Variants in TUBA8 observed in about 807,000 individuals in gnomAD.
TUBA8 encodes tubulin alpha-8 chain.
Under a neutral mutation model 34.7 loss-of-function variants are expected in TUBA8, and 29 were observed. The observed-to-expected ratio is 0.84, with a 90% CI of 0.62 to 1.14. The LOEUF (loss-of-function observed/expected upper bound fraction) is 1.14. TUBA8 is among the 50% of genes most tolerant of loss of function. TUBA8 has a pLI of 0.00. For synonymous variants in TUBA8, 226 were observed against 231.2 expected (o/e 0.98, Z 0.21); for missense variants, 541 against 599.2 (o/e 0.90, Z 1.01).
chr22:18,130,892 C>A lies in TUBA8; in HGVS notation c.1106C>A (p.Ala369Asp). 1 of 1,614,152 alleles carries A rather than the reference C, an allele frequency of 6.2e-7. No individual in the cohort carries two copies. The highest frequency in any genetic ancestry group is 8.5e-7 in the Non-Finnish European group (1 of 1,180,032). The change falls in exon 5 of 5, where the codon GCC (alanine) becomes GAC (aspartate). Residue 369 changes from alanine to aspartate, a missense_variant. Coordinates refer to ENST00000330423, the MANE Select transcript of TUBA8 (RefSeq NM_018943.3). ...PPTVVPGGDL[A>D]KVQRAVCMLS... Reference sequence around the variant, plus strand: ...ACCGTGGTCCCCGGGGGAGACCTGGCCAAGGTGCAGCGGGCCGTCTGCATG... The same window carrying A: ...ACCGTGGTCCCCGGGGGAGACCTGGACAAGGTGCAGCGGGCCGTCTGCATG...
At chr22:18,127,929 C>T (rs948080393) in intron 4 of TUBA8, 1 of 152,150 alleles carries the variant, frequency 6.6e-6, no homozygotes, top group Non-Finnish European at 1.5e-5. Context: ...GATCTCCTAA[C>T]CTTGTGATCT....
At chr22:18,114,329 T>A (rs1168073378) in intron 1 of TUBA8, 1 of 152,296 alleles carries the variant, frequency 6.6e-6, no homozygotes, top group African/African-American at 2.4e-5. Context: ...CCTTAGCAGA[T>A]GGCCTCATGG....
intron 4 of TUBA8, chr22:18,129,360 C>T (rs1928428698): frequency 6.6e-6 from 1 of 152,304 alleles, no homozygotes; most frequent in South Asian, 2.1e-4. Flanking sequence ...ATTATGGTAG[C>T]ATTAGCATAA....
intron 4 of TUBA8, chr22:18,127,845 C>T: frequency 1.3e-5 from 2 of 151,774 alleles, no homozygotes; most frequent in Non-Finnish European, 2.9e-5. Flanking sequence ...CTACAGGCGC[C>T]TGCTACCACA....
In TUBA8 at chr22:18,118,630, A is replaced by G. The variant is rs780630039; in HGVS notation, c.4-2849A>G. 4 of 152,212 alleles carry G rather than the reference A, an allele frequency of 2.6e-5. No homozygotes were observed. The highest frequency in any genetic ancestry group is 6.5e-5 in the Admixed American group (1 of 15,284). 9.4% of individuals were successfully genotyped at this position (152,212 alleles called of 1,614,324 possible). A position where few individuals can be genotyped will look rare whatever the true frequency, so the allele number is the denominator to read the frequency against. On this transcript the variant is annotated intron_variant, in intron 1 of 4. Coordinates refer to ENST00000330423, the MANE Select transcript of TUBA8 (RefSeq NM_018943.3). The surrounding 1 kb of genome is among the most constrained non-coding windows in gnomAD (Gnocchi z 4.0). ...ATCTTCCTTCTCTCTTGATTGGTGT[A>G]GCTACTTTTCACTTTTGAGAGCACC...
At position 18,124,447 on chromosome 22, in the gene TUBA8, T is replaced by A. The variant is rs1928256219; in HGVS notation, c.375+143T>A. On this transcript the variant is annotated intron_variant, in intron 3 of 4. Coordinates refer to ENST00000330423, the MANE Select transcript of TUBA8 (RefSeq NM_018943.3). The surrounding 1 kb of genome is among the most constrained non-coding windows in gnomAD (Gnocchi z 4.3). Reference sequence around the variant, plus strand: ...TAAGGTTTGGGAATTTCTGCTTAAATTCTGTAAGAAGCATGCACAGGGGTG... The same window carrying A: ...TAAGGTTTGGGAATTTCTGCTTAAAATCTGTAAGAAGCATGCACAGGGGTG... The A allele has an allele frequency of 9.8e-7, 1 of 1,016,190 alleles. No homozygotes were observed. Among genetic ancestry groups the A allele is most frequent in the Non-Finnish European group, 1.4e-6 (1 of 713,124 alleles). The allele number at this position is 1,016,190 out of a possible 1,614,324, so 62.9% of individuals were successfully genotyped here.
In TUBA8 at chr22:18,121,658, T is replaced by C. The variant is rs1350509095; in HGVS notation, c.183T>C (p.His61=). 6.2e-7 allele frequency: 1 copy of C among 1,614,028 alleles called. No homozygotes were observed. Among genetic ancestry groups the C allele is most frequent in the Admixed American group, 1.7e-5 (1 of 59,992 alleles). Residue 61 remains histidine (H), a synonymous_variant, in exon 2 of 5, where the codon CAT becomes CAC. Coordinates refer to ENST00000330423, the MANE Select transcript of TUBA8 (RefSeq NM_018943.3). The surrounding 1 kb of genome is among the most constrained non-coding windows in gnomAD (Gnocchi z 4.8). The stretch of plus-strand genomic sequence containing the variant: ...TCAGCGAGACTGGCAATGGGAAGCA[T>C]GTGCCCCGGGCCGTCATGATAGATC... ...TFFSETGNGK[H]VPRAVMIDLE...
intron 1 of TUBA8, chr22:18,114,632 C>T (rs1463714972): frequency 8.4e-6 from 1 of 119,700 alleles, no homozygotes; most frequent in African/African-American, 4.5e-5. Context: ...TGACCTAGGT[C>T]CTAAGATATA....
At chr22:18,127,099 A>G in intron 4 of TUBA8, 65 bp downstream of exon 4, 1 of 1,538,738 alleles carries the variant, frequency 6.5e-7, no homozygotes, top group Non-Finnish European at 9.0e-7. Flanking sequence ...GACCAAGGAT[A>G]TGCAATTCCA....
intron 2 of TUBA8, chr22:18,123,947 C>T (rs987930869): frequency 9.8e-6 from 6 of 611,658 alleles, no homozygotes; most frequent in South Asian, 9.3e-5. Flanking sequence ...TCTCACCGCC[C>T]ACATGAGCCA....
At position 18,111,969 on chromosome 22, in the gene TUBA8, C is replaced by G. The variant is rs776325699; in HGVS notation, c.3+1101C>G. ...TTGTCAGCACCCTCCCTCCTCCTAG[C>G]GGGCTCCCAGACACCCCTGGGAACT... On this transcript the variant is annotated intron_variant, in intron 1 of 4. Coordinates refer to ENST00000330423, the MANE Select transcript of TUBA8 (RefSeq NM_018943.3). This position sits in a 1 kb window ranked among gnomAD's most constrained non-coding sequence, Gnocchi z 5.1. 6 of 152,166 alleles carry G rather than the reference C, an allele frequency of 3.9e-5. No homozygotes were observed. Among genetic ancestry groups the G allele is most frequent in the Non-Finnish European group, 8.8e-5 (6 of 68,058 alleles). 9.4% of individuals were successfully genotyped at this position (152,166 alleles called of 1,614,324 possible).
At position 18,124,517 on chromosome 22, in the gene TUBA8, G is replaced by A. The variant is rs189814275; in HGVS notation, c.375+213G>A. ...GGCATCATAGACTGTGTTCCAGGCT[G>A]AGGCCCTACTCATACTCATTGATAC... On this transcript the variant is annotated intron_variant, in intron 3 of 4. Transcript: ENST00000330423. This position sits in a 1 kb window ranked among gnomAD's most constrained non-coding sequence, Gnocchi z 4.3. 6.8e-6 allele frequency: 4 copies of A among 584,788 alleles called. No individual in the cohort carries two copies. Among genetic ancestry groups the A allele is most frequent in the Non-Finnish European group, 1.2e-5 (4 of 336,898 alleles). The allele number at this position is 584,788 out of a possible 1,614,324, so 36.2% of individuals were successfully genotyped here. A position where few individuals can be genotyped will look rare whatever the true frequency, so the allele number is the denominator to read the frequency against.
chr22:18,130,972 G>T lies in TUBA8; in HGVS notation c.1186G>T (p.Asp396Tyr), dbSNP rs146821364. The stretch of plus-strand genomic sequence containing the variant: ...CTGGGCCCGCCTCGACCACAAGTTC[G>T]ACCTCATGTACGCCAAGCGGGCCTT... Reference protein sequence around the residue: ...EAWARLDHKFDLMYAKRAFVH... With the variant: ...EAWARLDHKFYLMYAKRAFVH... The change falls in exon 5 of 5, where the codon GAC becomes TAC. Residue 396 changes from aspartate to tyrosine, a missense_variant. Asp to Tyr is a radical substitution (Grantham distance 160). Coordinates refer to ENST00000330423, the MANE Select transcript of TUBA8 (RefSeq NM_018943.3). 1.3e-5 allele frequency: 21 copies of T among 1,614,006 alleles called. No homozygotes were observed. Among genetic ancestry groups the T allele is most frequent in the Non-Finnish European group, 1.8e-5 (21 of 1,180,034 alleles).
chr22:18,123,535 G>A (rs921603238), intron 2 of TUBA8: 3 of 156,210 alleles, frequency 1.9e-5, no homozygotes, highest in Admixed American at 6.1e-5. Flanking sequence ...GATTACAGGC[G>A]TGAGTCACTG....
In TUBA8 at chr22:18,119,174, G is replaced by A. The variant is rs986810973; in HGVS notation, c.4-2305G>A. The A allele has an allele frequency of 1.3e-5, 2 of 152,300 alleles. No homozygotes were observed. Among genetic ancestry groups the A allele is most frequent in the African/African-American group, 4.8e-5 (2 of 41,462 alleles). 9.4% of individuals were successfully genotyped at this position (152,300 alleles called of 1,614,324 possible). On this transcript the variant is annotated intron_variant, in intron 1 of 4. Transcript: ENST00000330423. This position sits in a 1 kb window ranked among gnomAD's most constrained non-coding sequence, Gnocchi z 5.9. ...GTCCCCTCAGCTTCCACACCTCCCT[G>A]GGAAGTCACAGCCACATGCTGAATG...
At position 18,121,685 on chromosome 22, in the gene TUBA8, G is replaced by A; in HGVS notation, c.210G>A (p.Leu70=). The A allele has an allele frequency of 6.2e-7, 1 of 1,614,168 alleles. No individual in the cohort carries two copies. Among genetic ancestry groups the A allele is most frequent in the Non-Finnish European group, 8.5e-7 (1 of 1,180,018 alleles). The change falls in exon 2 of 5, where the codon CTG becomes CTA. Residue 70 remains leucine, a synonymous_variant. Transcript: ENST00000330423. The surrounding 1 kb of genome is among the most constrained non-coding windows in gnomAD (Gnocchi z 4.8). ...TGCCCCGGGCCGTCATGATAGATCT[G>A]GAGCCTACTGTAGTGGGTGAGTGGG... ...KHVPRAVMID[L]EPTVVDEVRA...
intron 4 of TUBA8, 108 bp from the exon 5 acceptor site, chr22:18,130,734 CT>C: frequency 6.7e-7 from 1 of 1,481,934 alleles, no homozygotes; most frequent in Non-Finnish European, 9.3e-7. Flanking sequence ...TCCCACGCCC[CT>C]GACCATGACT....
rs770357454 is a variant in TUBA8, at chr22:18,127,060, G to C, written c.1056+26G>C. On this transcript the variant is annotated intron_variant, in intron 4 of 4. Coordinates refer to ENST00000330423, the MANE Select transcript of TUBA8 (RefSeq NM_018943.3). Reference sequence around the variant, plus strand: ...GTGAGAGCTGATGACTTAGGAAGGGGAGAGAGGACTAGAGAAGCAGAGGGA... The same window carrying C: ...GTGAGAGCTGATGACTTAGGAAGGGCAGAGAGGACTAGAGAAGCAGAGGGA... 3 of 1,612,996 alleles carry C rather than the reference G, an allele frequency of 1.9e-6. No homozygotes were observed. The African/African-American group carries it at 4.0e-5, about 22-fold the overall frequency.
rs1438340424 is a variant in TUBA8 at position 18,126,319 on chromosome 22, CT to C, written c.376-33del. The C allele has an allele frequency of 1.2e-6, 2 of 1,609,852 alleles. No individual in the cohort carries two copies. The highest frequency in any genetic ancestry group is 1.7e-6 in the Non-Finnish European group (2 of 1,176,250). On this transcript the variant is annotated intron_variant, in intron 3 of 4. Coordinates refer to ENST00000330423, the MANE Select transcript of TUBA8 (RefSeq NM_018943.3). The surrounding 1 kb of genome is among the most constrained non-coding windows in gnomAD (Gnocchi z 4.0). ...CTGTGGGGTGTTCTCGGAAACTTGT[CT>C]TCATGATTTCTTCTCATGTCCTGCT...
Sources: gnomAD v4.1 joint callset for allele counts on GRCh38, gnomAD v4.1.1 for gene constraint, Gnocchi (gnomAD v3.1) non-coding constraint, MANE v1.5 for transcripts, NCBI Gene and HGNC (gene_info 2026-07-23, HGNC 2026-07-21) for gene names.